The following CDH13 variants were observed in gnomAD, a reference collection of about 807,000 sequenced individuals.
CDH13 encodes cadherin 13, also known as cadherin-13.
CDH13 carries 24 observed loss-of-function variants against 63.8 expected under a neutral mutation model. The ratio of observed to expected loss-of-function variants is 0.38; its 90% CI spans 0.27 to 0.53. The LOEUF is 0.53. CDH13 is among the 20% of genes least tolerant of loss of function. CDH13 has a pLI of 0.85. For synonymous variants in CDH13, 503 were observed against 355.3 expected, an observed-to-expected ratio of 1.42 and a Z score of -4.67; for missense variants, 1,049 against 903.1, an observed-to-expected ratio of 1.16 and a Z score of -2.07.
intron 6 of CDH13, among the ~76,000 whole-genome samples, chr16:83,447,053 T>TAAAAAA (rs56692922): frequency 4.7e-5 from 3 of 64,284 alleles, no homozygotes; most frequent in African/African-American, 1.5e-4. Context: ...TCACCCGTCT[T>TAAAAAA]AAAAAAAAAA....
chr16:83,182,999 T>A (rs940556986), intron 4 of CDH13, among the ~76,000 whole-genome samples: 4 of 152,032 alleles, frequency 2.6e-5, no homozygotes, highest in African/African-American at 9.7e-5. Context: ...GAATAAAAAA[T>A]AAAAATTAAA....
intron 7 of CDH13, among the ~76,000 whole-genome samples, chr16:83,549,138 C>T (rs1315820473): frequency 6.6e-6 from 1 of 152,188 alleles, no homozygotes; most frequent in East Asian, 1.9e-4. Flanking sequence ...GTTCACATGT[C>T]GTTAACGGAG....
chr16:83,215,547 C>A (rs949486386), intron 4 of CDH13, among the ~76,000 whole-genome samples: 2 of 151,018 alleles, frequency 1.3e-5, no homozygotes, highest in Non-Finnish European at 2.9e-5. Flanking sequence ...GCCAGATGAA[C>A]CCTGGCGTAA....
intron 6 of CDH13, among the ~76,000 whole-genome samples, chr16:83,436,750 G>T (rs1382705379): frequency 4.6e-5 from 7 of 152,212 alleles, no homozygotes; most frequent in Non-Finnish European, 7.3e-5. Context: ...CAACTTTGGT[G>T]CCTGTGGCTG....
intron 1 of CDH13, chr16:82,705,342 A>G (rs781422710): frequency 5.6e-6 from 2 of 355,684 alleles, no homozygotes; most frequent in Admixed American, 4.0e-5. Context: ...AGGGATGCCC[A>G]GAGATATAAC....
intron 4 of CDH13, among the ~76,000 whole-genome samples, chr16:83,212,080 C>G (rs2039354823): frequency 6.6e-6 from 1 of 152,118 alleles, no homozygotes; most frequent in African/African-American, 2.4e-5. Context: ...CACTGGATTT[C>G]TTATATTTCT....
intron 5 of CDH13, among the ~76,000 whole-genome samples, chr16:83,229,171 A>G (rs370456651): frequency 6.6e-6 from 1 of 152,190 alleles, no homozygotes; most frequent in Non-Finnish European, 1.5e-5. Flanking sequence ...TCCAATTTGC[A>G]TTTCAAGAAG....
intron 5 of CDH13, among the ~76,000 whole-genome samples, chr16:83,260,381 G>A (rs146602793): frequency 4.7e-4 from 72 of 152,258 alleles, no homozygotes; most frequent in African/African-American, 1.6e-3. Flanking sequence ...GGTGTCCAGT[G>A]TTCTGGAAAG....
At chr16:83,033,968 T>C (rs1318726647) in intron 3 of CDH13, among the ~76,000 whole-genome samples, 1 of 152,128 alleles carries the variant, frequency 6.6e-6, no homozygotes, top group Non-Finnish European at 1.5e-5. Flanking sequence ...CTGCTTGATC[T>C]ACTCATTTTG....
intron 4 of CDH13, among the ~76,000 whole-genome samples, chr16:83,146,028 T>C (rs1340715333): frequency 6.6e-6 from 1 of 152,092 alleles, no homozygotes; most frequent in South Asian, 2.1e-4. Flanking sequence ...ACCCCATCTC[T>C]GCTAAAAACA....
chr16:83,138,132 C>T (rs1297665915), intron 4 of CDH13, among the ~76,000 whole-genome samples: 1 of 152,074 alleles, frequency 6.6e-6, no homozygotes, highest in Non-Finnish European at 1.5e-5. Context: ...TCTTCTGTTG[C>T]ATCGGGTGGT....
intron 10 of CDH13, among the ~76,000 whole-genome samples, chr16:83,746,614 C>T (rs904752419): frequency 6.6e-6 from 1 of 152,196 alleles, no homozygotes; most frequent in African/African-American, 2.4e-5. Flanking sequence ...TTTAAACATC[C>T]TTAGACCCAA....
At chr16:83,247,810 C>G (rs975725953) in intron 5 of CDH13, among the ~76,000 whole-genome samples, 5 of 152,154 alleles carry the variant, frequency 3.3e-5, no homozygotes, top group Non-Finnish European at 7.3e-5. Flanking sequence ...ACCAGAGAGC[C>G]TAAATGCATC....
intron 5 of CDH13, among the ~76,000 whole-genome samples, chr16:83,333,463 G>GGA (rs1474289228): frequency 6.6e-6 from 1 of 152,034 alleles, no homozygotes; most frequent in African/African-American, 2.4e-5. Context: ...TGCTCTTCTG[G>GGA]GAGACTGTCA....
chr16:82,701,449 A>T (rs1013822910), intron 1 of CDH13, among the ~76,000 whole-genome samples: 1 of 152,130 alleles, frequency 6.6e-6, no homozygotes, highest in Non-Finnish European at 1.5e-5. Flanking sequence ...ATTGCAAGTG[A>T]TAGAAACCTA....
At chr16:83,659,785 C>CTTTTTT (rs35285231) in intron 8 of CDH13, among the ~76,000 whole-genome samples, 2 of 122,938 alleles carry the variant, frequency 1.6e-5, no homozygotes, top group African/African-American at 3.2e-5. Flanking sequence ...AGTCCACAAC[C>CTTTTTT]TTTTTTTTTT....
intron 5 of CDH13, among the ~76,000 whole-genome samples, chr16:83,263,880 A>C (rs1555521561): frequency 6.6e-6 from 1 of 151,444 alleles, no homozygotes; most frequent in Non-Finnish European, 1.5e-5. Flanking sequence ...CTGAGGCTGA[A>C]TTTTTTAAAA....
intron 2 of CDH13, among the ~76,000 whole-genome samples, chr16:82,977,007 C>T (rs886490220): frequency 2.6e-5 from 4 of 152,208 alleles, no homozygotes; most frequent in Admixed American, 2.0e-4. Flanking sequence ...TCACCCCCAA[C>T]AAATGGTGCT....
rs9888875 is a variant in CDH13 at position 83,587,924 on chromosome 16, T to C, written c.961-14530T>C. Among the ~76,000 whole-genome samples, 1,090 of 151,334 alleles carry C rather than the reference T, an allele frequency of 7.2e-3. 9 individuals carry two copies. Among genetic ancestry groups the C allele is most frequent in the African/African-American group, 0.025 (1,048 of 41,310 alleles). Reference sequence around the variant, plus strand: ...CCAGCTGGCTTTGTTGAGATTTATCTGAGCAACATTCTCTTATACCTCTTT... The same window carrying C: ...CCAGCTGGCTTTGTTGAGATTTATCCGAGCAACATTCTCTTATACCTCTTT... On this transcript the variant is annotated intron_variant, in intron 7 of 13. Coordinates refer to ENST00000567109, the MANE Select transcript of CDH13 (RefSeq NM_001257.5).
Sources: gnomAD v4.1 joint callset for allele counts (sites outside exome capture counted in the v4.1 genomes callset) on GRCh38, gnomAD v4.1.1 for gene constraint, MANE v1.5 for transcripts, NCBI Gene and HGNC (gene_info 2026-07-23, HGNC 2026-07-21) for gene names.